Variants in TMEM182 observed in about 807,000 individuals in gnomAD.
TMEM182 encodes the protein transmembrane protein 182.
Under a neutral mutation model 26.8 loss-of-function variants are expected in TMEM182, and 20 were observed. The ratio of observed to expected loss-of-function variants is 0.75; its 90% CI spans 0.53 to 1.09. The LOEUF is 1.09. Ranked by LOEUF, TMEM182 falls within the 50% of genes least tolerant of loss-of-function variation. TMEM182 has a pLI of 0.00. For synonymous variants in TMEM182, 109 were observed against 102.2 expected, an observed-to-expected ratio of 1.07 and a Z score of -0.40; for missense variants, 277 against 275.5, an observed-to-expected ratio of 1.01 and a Z score of -0.04.
chr2:102,760,054 T>TAGCC (rs1212169892), upstream of TMEM182, among the ~76,000 whole-genome samples: 1 of 152,212 alleles, frequency 6.6e-6, no homozygotes, highest in Non-Finnish European at 1.5e-5. Context: ...TTATTACTCT[T>TAGCC]AGCCAGCATC....
At chr2:102,752,818 A>T (rs1679914170) in intron 1 of TMEM182, among the ~76,000 whole-genome samples, 1 of 152,196 alleles carries the variant, frequency 6.6e-6, no homozygotes, top group African/African-American at 2.4e-5. Flanking sequence ...ATAAATCAGA[A>T]TTTTTCTTTC....
At chr2:102,811,766 T>C (rs1384222242) in intron 4 of TMEM182, among the ~76,000 whole-genome samples, 1 of 152,244 alleles carries the variant, frequency 6.6e-6, no homozygotes, top group Non-Finnish European at 1.5e-5. Context: ...CCCATCAAGC[T>C]GGCTTCCAAA....
At chr2:102,831,418 C>G (rs951589872) in intron 3 of TMEM182, among the ~76,000 whole-genome samples, 18 of 152,148 alleles carry the variant, frequency 1.2e-4, no homozygotes, top group African/African-American at 3.6e-4. Flanking sequence ...CAGGATCCAC[C>G]CTGCATACAC....
intron 3 of TMEM182, among the ~76,000 whole-genome samples, chr2:102,792,908 G>C (rs368254192): frequency 6.6e-6 from 1 of 152,150 alleles, no homozygotes; most frequent in Non-Finnish European, 1.5e-5. Flanking sequence ...ATTCTGGGGC[G>C]CATTTTTTCC....
intron 3 of TMEM182, among the ~76,000 whole-genome samples, chr2:102,826,271 G>T (rs1215351276): frequency 6.7e-6 from 1 of 149,440 alleles, no homozygotes; most frequent in African/African-American, 2.5e-5. Context: ...ACTGGGCAAA[G>T]CCCCAGTGCA....
chr2:102,816,028 A>G lies in TMEM182; in HGVS notation c.*1060A>G. 21 of 984,882 alleles carry G rather than the reference A, an allele frequency of 2.1e-5. No individual in the cohort carries two copies. Among genetic ancestry groups the G allele is most frequent in the Non-Finnish European group, 2.3e-5 (19 of 829,458 alleles). The allele number at this position is 984,882 out of a possible 1,614,324, so 61.0% of individuals were successfully genotyped here. A position where few individuals can be genotyped will look rare whatever the true frequency, so the allele number is the denominator to read the frequency against. ...ATTTCTTCATCTTTACAATAGATATATTAACATTTACAGATCGACTATTTC... is the reference window on the plus strand; with the variant it reads ...ATTTCTTCATCTTTACAATAGATATGTTAACATTTACAGATCGACTATTTC... On this transcript the variant is annotated 3_prime_UTR_variant, in exon 5 of 5. Coordinates refer to ENST00000412401, the MANE Select transcript of TMEM182 (RefSeq NM_144632.5).
intron 1 of TMEM182, among the ~76,000 whole-genome samples, chr2:102,747,295 C>T (rs773298636): frequency 2.0e-5 from 3 of 152,134 alleles, no homozygotes; most frequent in Non-Finnish European, 2.9e-5. Context: ...GTGTGTTTAT[C>T]CAGTCTCCCT....
downstream of TMEM182, among the ~76,000 whole-genome samples, chr2:102,822,313 C>A (rs1051005141): frequency 1.5e-4 from 23 of 152,046 alleles, no homozygotes; most frequent in African/African-American, 5.3e-4. Flanking sequence ...AAGTGGAAGA[C>A]TGAGCCTGCG....
In TMEM182 at chr2:102,740,428, C is replaced by T. The variant is rs370492542; in HGVS notation, c.-83+3415C>T. Among the ~76,000 whole-genome samples, 13 of 152,150 alleles carry T rather than the reference C, an allele frequency of 8.5e-5. No homozygotes were observed. In the South Asian group the frequency reaches 2.7e-3, roughly 32 times the overall value. Reference sequence around the variant, plus strand: ...TCAGTACTTCTCCTTGCTGCTACACCCTGTAAAGAAGGACATGTTTGCTTC... The same window carrying T: ...TCAGTACTTCTCCTTGCTGCTACACTCTGTAAAGAAGGACATGTTTGCTTC... On this transcript the variant is annotated intron_variant, in intron 1 of 5. Coordinates refer to the TMEM182 transcript ENST00000409173.
At chr2:102,755,321 G>T (rs1402554066) in intron 1 of TMEM182, among the ~76,000 whole-genome samples, 1 of 152,142 alleles carries the variant, frequency 6.6e-6, no homozygotes, top group African/African-American at 2.4e-5. Flanking sequence ...TCCTTTCCTT[G>T]TTCGCAAAAG....
intron 3 of TMEM182, among the ~76,000 whole-genome samples, chr2:102,838,047 C>T (rs1360769635): frequency 6.6e-6 from 1 of 152,342 alleles, no homozygotes; most frequent in Non-Finnish European, 1.5e-5. Context: ...GGTAACCCTA[C>T]CCCGGAAGCT....
intron 3 of TMEM182, among the ~76,000 whole-genome samples, chr2:102,830,738 G>A (rs1300650333): frequency 1.3e-5 from 2 of 152,136 alleles, no homozygotes. Flanking sequence ...ATACAATTAA[G>A]TTATTATTGA....
chr2:102,837,658 G>A (rs1047757826), intron 3 of TMEM182, among the ~76,000 whole-genome samples: 4 of 152,168 alleles, frequency 2.6e-5, no homozygotes, highest in African/African-American at 9.7e-5. Context: ...AGAGCAAGAG[G>A]AGCTGCTGCA....
At chr2:102,756,053 G>A (rs891209842) in intron 1 of TMEM182, among the ~76,000 whole-genome samples, 8 of 152,130 alleles carry the variant, frequency 5.3e-5, no homozygotes, top group African/African-American at 1.2e-4. Context: ...GAAGAAAAAA[G>A]CATTCTAATC....
intron 3 of TMEM182, among the ~76,000 whole-genome samples, chr2:102,774,773 G>A (rs1680838326): frequency 6.6e-6 from 1 of 152,010 alleles, no homozygotes; most frequent in Non-Finnish European, 1.5e-5. Flanking sequence ...CTACTTGTAT[G>A]GGACTAATTT....
intron 1 of TMEM182, among the ~76,000 whole-genome samples, chr2:102,745,697 A>G (rs1679674058): frequency 6.6e-6 from 1 of 152,076 alleles, no homozygotes; most frequent in African/African-American, 2.4e-5. Context: ...CTATATATTT[A>G]TCTGTTCTGT....
chr2:102,797,883 G>C lies in TMEM182; in HGVS notation c.352G>C (p.Val118Leu). The C allele has an allele frequency of 1.2e-6, 2 of 1,613,770 alleles. No homozygotes were observed. The highest frequency in any genetic ancestry group is 1.7e-6 in the Non-Finnish European group (2 of 1,179,910). Reference protein sequence around the residue: ...SAVIYRGFWAVLMLLGVVAVV... With the variant: ...SAVIYRGFWALLMLLGVVAVV... ...TCCAGTTTACCGTGGTTTCTGGGCA[G>C]TCCTGATGCTCCTGGGGGTAGTTGC... The change falls in exon 4 of 5, where the codon GTC becomes CTC. Residue 118 changes from valine (V) to leucine (L), a missense_variant. By Grantham distance (32) the Val-to-Leu change is conservative (BLOSUM62 1). Coordinates refer to ENST00000412401, the MANE Select transcript of TMEM182 (RefSeq NM_144632.5).
intron 3 of TMEM182, among the ~76,000 whole-genome samples, chr2:102,840,407 T>C (rs1457679212): frequency 6.6e-6 from 1 of 152,202 alleles, no homozygotes; most frequent in Non-Finnish European, 1.5e-5. Context: ...TCTTCGCATA[T>C]AACTCTTCTA....
chr2:102,809,557 T>G (rs1200022588), intron 4 of TMEM182, among the ~76,000 whole-genome samples: 1 of 152,152 alleles, frequency 6.6e-6, no homozygotes, highest in Non-Finnish European at 1.5e-5. Flanking sequence ...TTTTCCCTGT[T>G]GCAGAATGTT....
Sources: allele counts gnomAD v4.1 joint callset (sites outside exome capture counted in the v4.1 genomes callset), GRCh38; gene constraint gnomAD v4.1.1; transcripts MANE v1.5; gene names NCBI Gene and HGNC (gene_info 2026-07-23, HGNC 2026-07-21).